The following NALF1 variants were observed in gnomAD, a reference collection of about 807,000 sequenced individuals.
NALF1 encodes family with sequence similarity 155 member A.
In NALF1, 3 loss-of-function variants were observed where a neutral mutation model predicts 48.4. The ratio of observed to expected loss-of-function variants is 0.06; its 90% confidence interval spans 0.03 to 0.16. The LOEUF (loss-of-function observed/expected upper bound fraction) is 0.16. NALF1 is among the 10% of genes least tolerant of loss of function. The probability of loss-of-function intolerance (pLI) is 1.00; values close to 1 mark genes in which losing one functional copy is unlikely to be tolerated. For missense variants in NALF1, 526 were observed against 571.5 expected, an observed-to-expected ratio of 0.92 and a Z score of 0.81; for synonymous variants, 262 against 245.7, an observed-to-expected ratio of 1.07 and a Z score of -0.62.
At chr13:107,725,361 G>GA (rs942502329) in intron 1 of NALF1, among the ~76,000 whole-genome samples, 3 of 152,000 alleles carry the variant, frequency 2.0e-5, no homozygotes, top group Non-Finnish European at 2.9e-5. Context: ...AATTATGAGG[G>GA]AAAAAAATGT....
chr13:107,753,792 T>C (rs1185053280), intron 1 of NALF1, among the ~76,000 whole-genome samples: 1 of 152,148 alleles, frequency 6.6e-6, no homozygotes, highest in Non-Finnish European at 1.5e-5. Context: ...ACTGAAAAGA[T>C]GGAGTTGAAC....
At chr13:107,257,080 A>G (rs1031403081) in intron 1 of NALF1, among the ~76,000 whole-genome samples, 4 of 152,136 alleles carry the variant, frequency 2.6e-5, no homozygotes, top group Non-Finnish European at 4.4e-5. Context: ...TCACAAGGCC[A>G]CAAGAGAGAC....
At chr13:107,524,414 T>G (rs565630100) in intron 1 of NALF1, among the ~76,000 whole-genome samples, 1 of 151,956 alleles carries the variant, frequency 6.6e-6, no homozygotes, top group African/African-American at 2.4e-5. Flanking sequence ...AATAAAAAAG[T>G]ATGTGAAGGA....
intron 1 of NALF1, among the ~76,000 whole-genome samples, chr13:107,720,024 C>T (rs973644612): frequency 2.6e-5 from 4 of 152,140 alleles, no homozygotes; most frequent in Non-Finnish European, 5.9e-5. Context: ...CCCCAATATA[C>T]TCCCATCTTT....
Position 107,468,030 on chromosome 13 carries a change from A to T in NALF1, c.916-257275T>A, listed in dbSNP as rs1018188510. Among the ~76,000 whole-genome samples the T allele has an allele frequency of 3.4e-4, 49 of 144,714 alleles. 1 individual carries two copies. The highest frequency in any genetic ancestry group is 1.4e-3 in the African/African-American group (49 of 36,286). The allele number at this position is 144,714 out of a possible 152,430, so 94.9% of individuals were successfully genotyped here. On this transcript the variant is annotated intron_variant, in intron 1 of 2. Coordinates refer to ENST00000375915, the MANE Select transcript of NALF1 (RefSeq NM_001080396.3). ...GCCACTGCCCTCCAGCCTGGGCGACAGAGCGAGACTCCGTCTCAAAAAAAA... is the reference window on the plus strand; with the variant it reads ...GCCACTGCCCTCCAGCCTGGGCGACTGAGCGAGACTCCGTCTCAAAAAAAA...
intron 1 of NALF1, among the ~76,000 whole-genome samples, chr13:107,677,955 C>T (rs4415881): frequency 0.54 from 81,368 of 151,972 alleles, 22,355 homozygotes; most frequent in African/African-American, 0.66. Flanking sequence ...AACCTTTAAA[C>T]GTCCATAGCA....
chr13:107,264,359 A>G (rs913209483), intron 1 of NALF1, among the ~76,000 whole-genome samples: 1 of 152,224 alleles, frequency 6.6e-6, no homozygotes, highest in African/African-American at 2.4e-5. Context: ...TCTATCAGAA[A>G]GCCATTGGGA....
In NALF1 at chr13:107,808,065, T is replaced by C. The variant is rs374365694; in HGVS notation, c.915+57617A>G. On this transcript the variant is annotated intron_variant, in intron 1 of 2. Coordinates refer to ENST00000375915, the MANE Select transcript of NALF1 (RefSeq NM_001080396.3). ...AGAAAAATGAGGAGGGTTACATAAG[T>C]TGTTGTGAGACAATTATACTTGGCT... Among the ~76,000 whole-genome samples, 14 of 152,214 alleles carry C rather than the reference T, an allele frequency of 9.2e-5. No individual in the cohort carries two copies. In the East Asian group the frequency reaches 2.7e-3, roughly 29 times the overall value.
At chr13:107,717,738 G>A (rs920870200) in intron 1 of NALF1, among the ~76,000 whole-genome samples, 6 of 152,084 alleles carry the variant, frequency 3.9e-5, no homozygotes, top group Admixed American at 6.6e-5. Flanking sequence ...AGCACCCTCC[G>A]TGGCTTCCTT....
intron 1 of NALF1, among the ~76,000 whole-genome samples, chr13:107,457,303 C>A (rs1401560923): frequency 6.6e-6 from 1 of 152,144 alleles, no homozygotes. Context: ...GGCATTTGAT[C>A]TAACTACCTC....
At chr13:107,252,294 G>C (rs988771343) in intron 1 of NALF1, among the ~76,000 whole-genome samples, 2 of 152,064 alleles carry the variant, frequency 1.3e-5, no homozygotes, top group African/African-American at 4.8e-5. Flanking sequence ...ACAGCACACG[G>C]GCCTCTTCAT....
At chr13:107,565,277 T>C (rs1307257016) in intron 1 of NALF1, among the ~76,000 whole-genome samples, 2 of 150,768 alleles carry the variant, frequency 1.3e-5, no homozygotes, top group Non-Finnish European at 3.0e-5. Context: ...CCCATCACTT[T>C]GGGAGACTCA....
At chr13:107,542,529 T>C (rs1877025555) in intron 1 of NALF1, among the ~76,000 whole-genome samples, 1 of 152,142 alleles carries the variant, frequency 6.6e-6, no homozygotes, top group South Asian at 2.1e-4. Flanking sequence ...TTTAAAAAAT[T>C]AGTTGAATCA....
intron 1 of NALF1, among the ~76,000 whole-genome samples, chr13:107,269,239 C>T (rs980004805): frequency 7.3e-5 from 11 of 151,488 alleles, no homozygotes; most frequent in African/African-American, 2.2e-4. Flanking sequence ...TTAGTAGCTA[C>T]AGCAATAGTC....
chr13:107,244,148 T>A (rs780948490), intron 1 of NALF1, among the ~76,000 whole-genome samples: 3 of 152,210 alleles, frequency 2.0e-5, no homozygotes, highest in Non-Finnish European at 2.9e-5. Context: ...AATAAATTAT[T>A]CTCCTGTTCA....
chr13:107,580,333 C>T (rs1400229841), intron 1 of NALF1, among the ~76,000 whole-genome samples: 1 of 152,138 alleles, frequency 6.6e-6, no homozygotes, highest in East Asian at 1.9e-4. Context: ...CTTCCTTTTT[C>T]TCCATAATAC....
rs74511267 is a variant in NALF1 at position 107,614,368 on chromosome 13, T to C, written c.915+251314A>G. ...CCAGGTGTTGTCTGCATCTGTCTCCTATATCCTGAGATTCTACTATGAAGA... is the reference window on the plus strand; with the variant it reads ...CCAGGTGTTGTCTGCATCTGTCTCCCATATCCTGAGATTCTACTATGAAGA... On this transcript the variant is annotated intron_variant, in intron 1 of 2. Coordinates refer to ENST00000375915, the MANE Select transcript of NALF1 (RefSeq NM_001080396.3). 5.1e-3 allele frequency among the ~76,000 whole-genome samples: 783 copies of C among 152,330 alleles called. 9 individuals carry two copies. Among genetic ancestry groups the C allele is most frequent in the African/African-American group, 0.018 (732 of 41,568 alleles).
intron 1 of NALF1, among the ~76,000 whole-genome samples, chr13:107,617,994 G>A (rs1022359923): frequency 1.3e-5 from 2 of 152,052 alleles, no homozygotes; most frequent in African/African-American, 4.8e-5. Context: ...TATTGAGATA[G>A]TCCACAATGA....
At chr13:107,510,653 C>T (rs1220190831) in intron 1 of NALF1, among the ~76,000 whole-genome samples, 1 of 152,272 alleles carries the variant, frequency 6.6e-6, no homozygotes, top group African/African-American at 2.4e-5. Flanking sequence ...CTAGCTCTGC[C>T]ACCGTAGAGT....
Sources: gnomAD v4.1 joint callset for allele counts (sites outside exome capture counted in the v4.1 genomes callset) on GRCh38, gnomAD v4.1.1 for gene constraint, MANE v1.5 for transcripts, NCBI Gene and HGNC (gene_info 2026-07-23, HGNC 2026-07-21) for gene names.